BEND6: variants seen among roughly 807,000 people sequenced by gnomAD.
BEND6 encodes the protein BEN domain containing 6, also known as BEN domain-containing protein 6.
Under a neutral mutation model 31.8 loss-of-function variants are expected in BEND6, and 24 were observed. The ratio of observed to expected loss-of-function variants is 0.75; its 90% CI spans 0.55 to 1.06. The LOEUF is 1.06. Among genes scored for constraint, BEND6 ranks in the 50% least tolerant of loss-of-function variants. The probability of loss-of-function intolerance (pLI) is 0.00; values close to 1 mark genes in which losing one functional copy is unlikely to be tolerated. For synonymous variants in BEND6, 109 were observed against 114.6 expected (o/e 0.95, Z 0.31); for missense variants, 294 against 327.4 (o/e 0.90, Z 0.79).
chr6:57,015,017 G>T, intron 3 of BEND6, 116 bp from the exon 4 acceptor site: 1 of 730,946 alleles, frequency 1.4e-6, no homozygotes, highest in Non-Finnish European at 2.1e-6. Context: ...TCCAAAGATA[G>T]CAAATGTTAA....
intron 1 of BEND6, among the ~76,000 whole-genome samples, chr6:56,977,252 A>G (rs79218520): frequency 0.013 from 2,042 of 152,338 alleles, 49 homozygotes; most frequent in African/African-American, 0.046. Context: ...AATAACAAGC[A>G]AGTGACTGTC....
At chr6:56,977,932 G>C (rs967798260) in intron 1 of BEND6, among the ~76,000 whole-genome samples, 11 of 152,074 alleles carry the variant, frequency 7.2e-5, no homozygotes, top group Non-Finnish European at 1.6e-4. Flanking sequence ...ACTCCAGCCT[G>C]AGTGACAGAG....
intron 3 of BEND6, among the ~76,000 whole-genome samples, chr6:57,013,546 T>C (rs1827421043): frequency 6.6e-6 from 1 of 152,214 alleles, no homozygotes; most frequent in Admixed American, 6.5e-5. Context: ...TCTTTCTGGA[T>C]TTCAAGCTGT....
At chr6:57,024,303 T>A (rs1355282022) in intron 6 of BEND6, among the ~76,000 whole-genome samples, 2 of 152,246 alleles carry the variant, frequency 1.3e-5, no homozygotes, top group Non-Finnish European at 2.9e-5. Flanking sequence ...ATTTTACCAG[T>A]GGGTTTTATA....
rs375939651 is a variant in BEND6 at position 56,970,551 on chromosome 6, A to C, written c.-100-11160A>C. Among the ~76,000 whole-genome samples, 4 of 152,232 alleles carry C rather than the reference A, an allele frequency of 2.6e-5. No individual in the cohort carries two copies. The East Asian group carries it at 7.7e-4, about 29-fold the overall frequency. ...CTCCTGCAACTATTAGAGAATTAAT[A>C]AGATGCGTTCTTTTAGTAAGTAAAT... is the stretch of plus-strand genomic sequence containing the variant. On this transcript the variant is annotated intron_variant, in intron 1 of 6. Transcript: ENST00000370746.
chr6:56,967,933 G>C (rs1825543102), intron 1 of BEND6, among the ~76,000 whole-genome samples: 1 of 152,094 alleles, frequency 6.6e-6, no homozygotes, highest in Non-Finnish European at 1.5e-5. Flanking sequence ...TACCACAAAG[G>C]GTGTCTGTGA....
intron 1 of BEND6, among the ~76,000 whole-genome samples, chr6:56,962,133 A>G (rs1238505302): frequency 2.0e-5 from 3 of 152,126 alleles, no homozygotes; most frequent in Non-Finnish European, 4.4e-5. Flanking sequence ...TCTCTCTCTC[A>G]TCTTCATCTT....
chr6:56,990,761 A>G (rs1038724213), intron 2 of BEND6, among the ~76,000 whole-genome samples: 2 of 152,238 alleles, frequency 1.3e-5, no homozygotes, highest in Non-Finnish European at 2.9e-5. Context: ...TGAGATTTTT[A>G]TTGAATTTAT....
At chr6:56,984,412 G>A (rs115520040) in intron 2 of BEND6, among the ~76,000 whole-genome samples, 1,532 of 152,190 alleles carry the variant, frequency 0.01, 27 homozygotes, top group African/African-American at 0.035. Flanking sequence ...TGTTTAAGAG[G>A]TTCCCATATT....
At position 56,999,832 on chromosome 6, in the gene BEND6, C is replaced by T. The variant is rs563379814; in HGVS notation, c.298+7277C>T. 1.4e-4 allele frequency among the ~76,000 whole-genome samples: 21 copies of T among 152,306 alleles called. No individual in the cohort carries two copies. In the South Asian group the frequency reaches 1.5e-3, roughly 11 times the overall value. Reference sequence around the variant, plus strand: ...AGTCTGTAGGTCAAACTGCATGGCCCGATATAAAACCTGCCAACAGAAGTG... The same window carrying T: ...AGTCTGTAGGTCAAACTGCATGGCCTGATATAAAACCTGCCAACAGAAGTG... On this transcript the variant is annotated intron_variant, in intron 3 of 6. Transcript: ENST00000370746.
chr6:56,980,569 A>G (rs181113237), intron 1 of BEND6, among the ~76,000 whole-genome samples: 81 of 152,340 alleles, frequency 5.3e-4, no homozygotes, highest in African/African-American at 1.9e-3. Flanking sequence ...CAGATTTGAC[A>G]GTATAGTCCT....
intron 3 of BEND6, chr6:57,014,412 A>G: frequency 8.2e-7 from 1 of 1,213,424 alleles, no homozygotes. Context: ...ACTGAATTAG[A>G]CAAGGTTCAA....
chr6:56,983,897 G>A (rs1489331337), intron 2 of BEND6, among the ~76,000 whole-genome samples: 1 of 152,096 alleles, frequency 6.6e-6, no homozygotes, highest in Non-Finnish European at 1.5e-5. Flanking sequence ...CAATGACAAA[G>A]TAAATATCCT....
intron 6 of BEND6, among the ~76,000 whole-genome samples, chr6:57,022,831 C>A (rs1427960562): frequency 6.6e-6 from 1 of 152,080 alleles, no homozygotes; most frequent in Non-Finnish European, 1.5e-5. Flanking sequence ...AATGTTGTAT[C>A]TCCATTTACA....
intron 3 of BEND6, among the ~76,000 whole-genome samples, chr6:57,013,531 G>A (rs188497803): frequency 6.6e-6 from 1 of 152,294 alleles, no homozygotes; most frequent in Non-Finnish European, 1.5e-5. Context: ...AAATCATATG[G>A]TTGGTCTTTC....
At chr6:56,991,419 G>T (rs900907628) in intron 2 of BEND6, among the ~76,000 whole-genome samples, 1 of 151,820 alleles carries the variant, frequency 6.6e-6, no homozygotes, top group African/African-American at 2.4e-5. Context: ...CTGTCACCCA[G>T]GGTGGAGCGC....
At chr6:56,967,251 C>G (rs1825515028) in intron 1 of BEND6, among the ~76,000 whole-genome samples, 1 of 152,100 alleles carries the variant, frequency 6.6e-6, no homozygotes, top group African/African-American at 2.4e-5. Context: ...AACTAAGGGA[C>G]TATTTAAGAA....
chr6:57,001,770 C>T (rs746749329), intron 3 of BEND6, among the ~76,000 whole-genome samples: 1 of 152,136 alleles, frequency 6.6e-6, no homozygotes, highest in East Asian at 1.9e-4. Flanking sequence ...AATAATGAAA[C>T]CTACTACCAC....
At chr6:57,003,730 A>G (rs1180285195) in intron 3 of BEND6, among the ~76,000 whole-genome samples, 4 of 152,216 alleles carry the variant, frequency 2.6e-5, no homozygotes, top group Admixed American at 2.0e-4. Flanking sequence ...ACAATGAAAA[A>G]AGAAAACTAC....
Sources: allele counts gnomAD v4.1 joint callset (sites outside exome capture counted in the v4.1 genomes callset), GRCh38; gene constraint gnomAD v4.1.1; transcripts MANE v1.5; gene names NCBI Gene and HGNC (gene_info 2026-07-23, HGNC 2026-07-21).